Variants in MAP3K20 observed in about 807,000 individuals in gnomAD.
The protein encoded by MAP3K20 is HCCS-4.
Under a neutral mutation model 85.7 loss-of-function variants are expected in MAP3K20, and 40 were observed. The ratio of observed to expected loss-of-function variants is 0.47; its 90% confidence interval spans 0.36 to 0.61. The LOEUF is 0.61. Ranked by LOEUF, MAP3K20 falls within the 20% of genes least tolerant of loss-of-function variation. MAP3K20 has a pLI of 0.00. For synonymous variants in MAP3K20, 325 were observed against 327.7 expected, an observed-to-expected ratio of 0.99 and a Z score of 0.09; for missense variants, 817 against 961.7, an observed-to-expected ratio of 0.85 and a Z score of 1.99.
At chr2:173,101,818 C>T (rs1434380833) in intron 2 of MAP3K20, among the ~76,000 whole-genome samples, 1 of 152,198 alleles carries the variant, frequency 6.6e-6, no homozygotes, top group Non-Finnish European at 1.5e-5. Context: ...GATGGGAAGT[C>T]ACTGACATGA....
intron 1 of MAP3K20, among the ~76,000 whole-genome samples, chr2:173,086,758 A>G (rs1161196237): frequency 6.6e-6 from 1 of 152,226 alleles, no homozygotes; most frequent in Non-Finnish European, 1.5e-5. Flanking sequence ...GTTCATCCAC[A>G]TTCCCTGGGC....
chr2:173,138,962 G>A (rs540612029), intron 2 of MAP3K20, among the ~76,000 whole-genome samples: 1 of 152,270 alleles, frequency 6.6e-6, no homozygotes, highest in Non-Finnish European at 1.5e-5. Context: ...AAAGTCCACA[G>A]GCTGTCTGGA....
intron 2 of MAP3K20, among the ~76,000 whole-genome samples, chr2:173,115,447 C>G (rs912999999): frequency 6.6e-5 from 10 of 151,998 alleles, no homozygotes; most frequent in Admixed American, 2.6e-4. Context: ...GGTTGTATTG[C>G]TGGTGGCTAG....
chr2:173,225,908 TAAA>T (rs67401411), intron 11 of MAP3K20: 2 of 899,390 alleles, frequency 2.2e-6, no homozygotes, highest in Non-Finnish European at 2.6e-6. Context: ...ATTCCACAAT[TAAA>T]AAAAAAAAAG....
At chr2:173,107,445 G>A (rs1687814577) in intron 2 of MAP3K20, among the ~76,000 whole-genome samples, 4 of 152,156 alleles carry the variant, frequency 2.6e-5, no homozygotes, top group African/African-American at 9.7e-5. Flanking sequence ...TGAGAGGTGA[G>A]GGGGCAGCCG....
rs187148501 is a variant in MAP3K20 at position 173,172,946 on chromosome 2, C to T, written c.247+3054C>T. Among the ~76,000 whole-genome samples the T allele has an allele frequency of 3.3e-3, 507 of 151,956 alleles. 1 individual carries two copies. Among genetic ancestry groups the T allele is most frequent in the African/African-American group, 0.012 (477 of 41,446 alleles). On this transcript the variant is annotated intron_variant, in intron 3 of 19. Coordinates refer to ENST00000375213, the MANE Select transcript of MAP3K20 (RefSeq NM_016653.3). ...CTGAATAGCTGGGACTACAGGCGTG[C>T]GCCACCATGCCCAGCTAATTTTTGT...
chr2:173,097,617 C>T (rs1165156674), intron 2 of MAP3K20, among the ~76,000 whole-genome samples: 5 of 152,058 alleles, frequency 3.3e-5, no homozygotes, highest in Non-Finnish European at 7.4e-5. Flanking sequence ...GACACCACTA[C>T]CCTTATTTTA....
chr2:173,086,439 A>G (rs1687148578), intron 1 of MAP3K20, among the ~76,000 whole-genome samples: 1 of 152,220 alleles, frequency 6.6e-6, no homozygotes, highest in African/African-American at 2.4e-5. Context: ...AGCTACATCC[A>G]TGATGCTTTG....
At chr2:173,225,133 CT>C in intron 11 of MAP3K20, 1 of 835,572 alleles carries the variant, frequency 1.2e-6, no homozygotes, top group Non-Finnish European at 1.3e-6. Context: ...TGATGAGACC[CT>C]CCCTAGTCAT....
chr2:173,208,306 G>A (rs1019349809), intron 9 of MAP3K20, among the ~76,000 whole-genome samples: 1 of 151,778 alleles, frequency 6.6e-6, no homozygotes, highest in Admixed American at 6.6e-5. Flanking sequence ...GGCTGAGGCA[G>A]GAAAATTGGT....
At chr2:173,158,891 A>G (rs1689558527) in intron 2 of MAP3K20, among the ~76,000 whole-genome samples, 1 of 152,250 alleles carries the variant, frequency 6.6e-6, no homozygotes, top group South Asian at 2.1e-4. Context: ...GGCTGTCCTA[A>G]TACAACATGG....
chr2:173,249,126 G>GTT (rs1326779558), intron 16 of MAP3K20, among the ~76,000 whole-genome samples: 2 of 152,160 alleles, frequency 1.3e-5, no homozygotes, highest in African/African-American at 4.8e-5. Flanking sequence ...AAAACAAAAT[G>GTT]TAAGTTTGTG....
At chr2:173,148,921 G>A (rs1689216223) in intron 2 of MAP3K20, among the ~76,000 whole-genome samples, 1 of 152,130 alleles carries the variant, frequency 6.6e-6, no homozygotes, top group South Asian at 2.1e-4. Context: ...TCTGTTTCCT[G>A]CTCTCCCAGA....
chr2:173,234,872 T>G (rs1186182451), intron 14 of MAP3K20, among the ~76,000 whole-genome samples: 3 of 152,156 alleles, frequency 2.0e-5, no homozygotes, highest in African/African-American at 7.2e-5. Context: ...AGGTTTACAC[T>G]TTGCTTCTGG....
chr2:173,103,505 G>T (rs1057350238), intron 2 of MAP3K20, among the ~76,000 whole-genome samples: 1 of 152,182 alleles, frequency 6.6e-6, no homozygotes, highest in Non-Finnish European at 1.5e-5. Context: ...AAGGATTTAA[G>T]ATTATTAGCA....
intron 11 of MAP3K20, among the ~76,000 whole-genome samples, chr2:173,220,468 C>G (rs1470309727): frequency 6.8e-6 from 1 of 147,634 alleles, no homozygotes; most frequent in African/African-American, 2.5e-5. Context: ...TACATACTTA[C>G]GTCTAACTTA....
chr2:173,258,322 A>G (rs76521692), intron 16 of MAP3K20, among the ~76,000 whole-genome samples: 3,131 of 152,284 alleles, frequency 0.021, 84 homozygotes, highest in South Asian at 0.051. Context: ...CTTTGTGGCA[A>G]TGAGAAAATG....
At chr2:173,225,161 G>A in intron 11 of MAP3K20, 2 of 984,372 alleles carry the variant, frequency 2.0e-6, no homozygotes, top group Non-Finnish European at 2.4e-6. Context: ...CTGGGGCGGT[G>A]CTGTCACCGA....
intron 5 of MAP3K20, among the ~76,000 whole-genome samples, chr2:173,189,926 A>G (rs1574091700): frequency 6.6e-6 from 1 of 152,288 alleles, no homozygotes; most frequent in Non-Finnish European, 1.5e-5. Context: ...CTCCTGGACC[A>G]CAAAACCTTG....
Sources: gnomAD v4.1 joint callset for allele counts (sites outside exome capture counted in the v4.1 genomes callset) on GRCh38, gnomAD v4.1.1 for gene constraint, MANE v1.5 for transcripts, NCBI Gene and HGNC (gene_info 2026-07-23, HGNC 2026-07-21) for gene names.